Variants in ENOSF1 observed in about 807,000 individuals in gnomAD.
ENOSF1 encodes enolase superfamily member 1, also known as mitochondrial enolase superfamily member 1.
Under a neutral mutation model 68.2 loss-of-function variants are expected in ENOSF1, and 73 were observed. The observed-to-expected ratio is 1.07, with a 90% CI of 0.89 to 1.30. The LOEUF (loss-of-function observed/expected upper bound fraction) is 1.30, where lower values mean the gene tolerates loss of function less well. Ranked by LOEUF, ENOSF1 falls within the 50% of genes most tolerant of loss-of-function variation. ENOSF1 has a pLI of 0.00. For missense variants in ENOSF1, 589 were observed against 554.5 expected (o/e 1.06, Z -0.62); for synonymous variants, 223 against 210.4 (o/e 1.06, Z -0.52).
rs1212920385 is a variant in ENOSF1 at position 671,633 on chromosome 18, C to T, written c.*2672G>A. 4 of 624,204 alleles carry T rather than the reference C, an allele frequency of 6.4e-6. No homozygotes were observed. In the East Asian group the frequency reaches 8.4e-5, roughly 13 times the overall value. The allele number at this position is 624,204 out of a possible 1,614,324, so 38.7% of individuals were successfully genotyped here. A position where few individuals can be genotyped will look rare whatever the true frequency, so the allele number is the denominator to read the frequency against. ...ACAAGGCAGGCATCTGCCTCAGCAA[C>T]CATGGGCACTTAACATGTCAGGTGC... On this transcript the variant is annotated 3_prime_UTR_variant, in exon 16 of 16. Transcript: ENST00000647584.
At chr18:675,774 T>A (rs2276115) in intron 14 of ENOSF1, among the ~76,000 whole-genome samples, 51,996 of 152,094 alleles carry the variant, frequency 0.34, 9,220 homozygotes, top group Middle Eastern at 0.47. Context: ...CAAGAAGCGT[T>A]TGTATTTTTT....
chr18:688,870 T>C (rs909132234), intron 8 of ENOSF1, among the ~76,000 whole-genome samples: 1 of 152,152 alleles, frequency 6.6e-6, no homozygotes. Context: ...ATAGCACTGA[T>C]CTCTCTCTTT....
chr18:686,047 C>T, intron 9 of ENOSF1, 39 bp from the exon 10 acceptor site: 4 of 1,487,512 alleles, frequency 2.7e-6, no homozygotes, highest in Non-Finnish European at 3.8e-6. Flanking sequence ...AGACCTGTAC[C>T]TGGACTTGGC....
At chr18:688,167 C>CAA (rs113399783) in intron 9 of ENOSF1, 43,289 of 145,444 alleles carry the variant, frequency 0.3, 7,144 homozygotes, top group Admixed American at 0.38. Context: ...AACTTCATCT[C>CAA]AAAAAAAAAA....
intron 9 of ENOSF1, 95 bp downstream of exon 9, chr18:688,479 G>T: frequency 1.9e-6 from 3 of 1,546,022 alleles, no homozygotes; most frequent in Non-Finnish European, 2.7e-6. Flanking sequence ...TAGCCCGTGG[G>T]TGCCTTTTAC....
rs542154060 is a variant in ENOSF1, at chr18:706,534, A to G, written c.129T>C (p.Thr43=). The part of the protein sequence containing the change: ...DYSAAYVVIE[T]DAEDGIKGCG... ...ACCCCTTGATTCCATCTTCTGCATC[A>G]GTTTCTATGACGACATAGGCAGCCG... The change falls in exon 2 of 16, where the codon ACT becomes ACC. Residue 43 remains threonine (T), a synonymous_variant. Transcript: ENST00000647584. 1.2e-6 allele frequency: 2 copies of G among 1,613,972 alleles called. No homozygotes were observed. The highest frequency in any genetic ancestry group is 2.2e-5 in the East Asian group (1 of 44,850).
intron 2 of ENOSF1, 39 bp downstream of exon 2, chr18:706,431 A>C: frequency 7.6e-7 from 1 of 1,307,576 alleles, no homozygotes; most frequent in Non-Finnish European, 1.1e-6. Flanking sequence ...TCATCTGAAA[A>C]TTAAGCATTC....
chr18:707,016 A>G (rs956674487), intron 1 of ENOSF1, among the ~76,000 whole-genome samples: 2 of 151,820 alleles, frequency 1.3e-5, no homozygotes, highest in Admixed American at 6.6e-5. Flanking sequence ...ACGAAGTTTC[A>G]CCATGTTGGC....
intron 1 of ENOSF1, among the ~76,000 whole-genome samples, chr18:710,782 C>T: frequency 6.6e-6 from 1 of 152,190 alleles, no homozygotes. Context: ...GAAACCTAGG[C>T]TTAGAAAGAT....
At chr18:696,204 CTT>C (rs368856668) in intron 3 of ENOSF1, among the ~76,000 whole-genome samples, 32,993 of 116,546 alleles carry the variant, frequency 0.28, 2,070 homozygotes, top group Middle Eastern at 0.31. Flanking sequence ...ACATCTCTCT[CTT>C]TTTTTTTTTT....
rs555958315 is a variant in ENOSF1 at position 671,147 on chromosome 18, C to T, written c.*3158G>A. On this transcript the variant is annotated 3_prime_UTR_variant, in exon 16 of 16. Transcript: ENST00000647584. ...TGAGGTTGGGTATGGTGGCTCATGC[C>T]TGTAATCCCAGCACTTTGGGAGACT... 6 of 613,738 alleles carry T rather than the reference C, an allele frequency of 9.8e-6. No individual in the cohort carries two copies. The highest frequency in any genetic ancestry group is 7.4e-5 in the African/African-American group (4 of 54,162). 38.0% of individuals were successfully genotyped at this position (613,738 alleles called of 1,614,324 possible).
intron 2 of ENOSF1, among the ~76,000 whole-genome samples, chr18:700,174 G>A (rs1332886867): frequency 6.6e-6 from 1 of 152,224 alleles, no homozygotes; most frequent in East Asian, 1.9e-4. Context: ...TAGGTCAGAT[G>A]TAGCATTTAG....
chr18:667,539 GGT>G (rs2074877664), downstream of ENOSF1, among the ~76,000 whole-genome samples: 2 of 89,796 alleles, frequency 2.2e-5, 1 homozygote, highest in Non-Finnish European at 4.1e-5. Context: ...AGATGGTGAT[GGT>G]GATGGTGATG....
At chr18:704,693 A>G (rs2078747358) in intron 2 of ENOSF1, among the ~76,000 whole-genome samples, 1 of 149,664 alleles carries the variant, frequency 6.7e-6, no homozygotes, top group South Asian at 2.1e-4. Context: ...GCAAACTCCA[A>G]CTCCCAGGTT....
intron 11 of ENOSF1, among the ~76,000 whole-genome samples, chr18:680,618 AC>A (rs1235249027): frequency 1.4e-5 from 2 of 146,700 alleles, no homozygotes; most frequent in Non-Finnish European, 3.0e-5. Context: ...GTCTCAATGG[AC>A]TCTACATGTA....
chr18:670,675 C>T lies in ENOSF1; in HGVS notation c.*3630G>A, dbSNP rs774439662. On this transcript the variant is annotated 3_prime_UTR_variant, in exon 16 of 16. Transcript: ENST00000647584. Reference sequence around the variant, plus strand: ...CAAACCACCATCCCTCCTTATCTTCCTCTGCTGGTTCCTCAGATCTTCCTC... The same window carrying T: ...CAAACCACCATCCCTCCTTATCTTCTTCTGCTGGTTCCTCAGATCTTCCTC... 19 of 1,612,684 alleles carry T rather than the reference C, an allele frequency of 1.2e-5. No individual in the cohort carries two copies. The highest frequency in any genetic ancestry group is 9.3e-5 in the African/African-American group (7 of 74,898).
chr18:712,617 G>T lies in ENOSF1; in HGVS notation c.-30C>A, dbSNP rs545815811. Reference sequence around the variant, plus strand: ...CCTGCGCCCCGTGGCCGCGGCCCCCGTGCGGTCAGGACTGGTCGGGATCCC... The same window carrying T: ...CCTGCGCCCCGTGGCCGCGGCCCCCTTGCGGTCAGGACTGGTCGGGATCCC... On this transcript the variant is annotated 5_prime_UTR_variant, in exon 1 of 16. Transcript: ENST00000647584. The T allele has an allele frequency of 1.3e-6, 2 of 1,528,966 alleles. No homozygotes were observed. Among genetic ancestry groups the T allele is most frequent in the African/African-American group, 1.4e-5 (1 of 72,752 alleles). The allele number at this position is 1,528,966 out of a possible 1,614,324, so 94.7% of individuals were successfully genotyped here. A position where few individuals can be genotyped will look rare whatever the true frequency, so the allele number is the denominator to read the frequency against.
At chr18:694,204 G>A (rs756415252) in intron 4 of ENOSF1, 44 bp downstream of exon 4, 22 of 1,572,126 alleles carry the variant, frequency 1.4e-5, no homozygotes, top group South Asian at 6.7e-5. Flanking sequence ...AGTCAGTGTC[G>A]TACAGCTCCC....
chr18:709,757 G>A (rs1412474179), intron 1 of ENOSF1, among the ~76,000 whole-genome samples: 1 of 151,838 alleles, frequency 6.6e-6, no homozygotes, highest in Non-Finnish European at 1.5e-5. Context: ...GGCAACAAGC[G>A]AGACTCTGTC....
Sources: allele counts gnomAD v4.1 joint callset (sites outside exome capture counted in the v4.1 genomes callset), GRCh38; gene constraint gnomAD v4.1.1; transcripts MANE v1.5; gene names NCBI Gene and HGNC (gene_info 2026-07-23, HGNC 2026-07-21).